MORC1: variants seen among roughly 807,000 people sequenced by gnomAD.
MORC1 encodes the protein MORC family CW-type zinc finger 1, also known as MORC family CW-type zinc finger protein 1.
In MORC1, 59 loss-of-function variants were observed where a neutral mutation model predicts 134.9. That is an observed-to-expected ratio of 0.44 (90% CI 0.35 to 0.54). The LOEUF (loss-of-function observed/expected upper bound fraction) is 0.54. Ranked by LOEUF, MORC1 falls within the 20% of genes least tolerant of loss-of-function variation. The pLI is 0.00. For synonymous variants in MORC1, 395 were observed against 391.7 expected, an observed-to-expected ratio of 1.01 and a Z score of -0.10; for missense variants, 947 against 1,134.5, an observed-to-expected ratio of 0.83 and a Z score of 2.37.
chr3:109,011,920 T>C (rs1559891909), intron 17 of MORC1, among the ~76,000 whole-genome samples: 1 of 152,236 alleles, frequency 6.6e-6, no homozygotes, highest in Admixed American at 6.5e-5. Flanking sequence ...TTTCAATTTC[T>C]TAACAATGTC....
At chr3:109,040,829 C>CAAAAAAAAAAAAAAAAAAA (rs59122147) in intron 14 of MORC1, among the ~76,000 whole-genome samples, 1 of 108,632 alleles carries the variant, frequency 9.2e-6, no homozygotes, top group African/African-American at 4.4e-5. Flanking sequence ...AACTCTGTGT[C>CAAAAAAAAAAAAAAAAAAA]AAAAAAAAAA....
At position 108,986,859 on chromosome 3, in the gene MORC1, CAT is replaced by C. The variant is rs1161015743; in HGVS notation, c.2257+19_2257+20del. The C allele has an allele frequency of 7.1e-6, 10 of 1,406,570 alleles. No individual in the cohort carries two copies. The highest frequency in any genetic ancestry group is 8.7e-6 in the Non-Finnish European group (9 of 1,040,168). The allele number at this position is 1,406,570 out of a possible 1,614,324, so 87.1% of individuals were successfully genotyped here. ...ACATTATAGCTAATATATATATATACATGAGCTGATTTTTTTTTACCTTGGTT... is the reference window on the plus strand; with the variant it reads ...ACATTATAGCTAATATATATATATACGAGCTGATTTTTTTTTACCTTGGTT... On this transcript the variant is annotated intron_variant, in intron 22 of 27. Coordinates refer to ENST00000232603, the MANE Select transcript of MORC1 (RefSeq NM_014429.4).
chr3:109,028,826 G>A (rs145620732), intron 16 of MORC1, among the ~76,000 whole-genome samples: 11 of 152,252 alleles, frequency 7.2e-5, no homozygotes, highest in African/African-American at 2.6e-4. Context: ...AGGGCATGGA[G>A]GGGAAGGAAC....
chr3:109,060,262 G>GAA lies in MORC1; in HGVS notation c.967-394_967-393dup, dbSNP rs35431327. On this transcript the variant is annotated intron_variant, in intron 11 of 27. Transcript: ENST00000232603. ...ATGTGACCACGAAGTGTTTTTGCAG[G>GAA]AAAAAAAAAAAAGATAATTGAGAAA... Among the ~76,000 whole-genome samples, 46 of 145,090 alleles carry GAA rather than the reference G, an allele frequency of 3.2e-4. No homozygotes were observed. The South Asian group carries it at 6.1e-3, about 19-fold the overall frequency.
rs1052870499 is a variant in MORC1 at position 109,004,967 on chromosome 3, T to C, written c.2014-79A>G. On this transcript the variant is annotated intron_variant, in intron 19 of 27. Coordinates refer to ENST00000232603, the MANE Select transcript of MORC1 (RefSeq NM_014429.4). ...GAAACACAGATTGCAATGTATATTT[T>C]ATAATTAAAGTGTCTTAAAATGTGA... 4.4e-6 allele frequency: 7 copies of C among 1,576,608 alleles called. No homozygotes were observed. In the African/African-American group the frequency reaches 9.6e-5, roughly 22 times the overall value.
intron 26 of MORC1, among the ~76,000 whole-genome samples, chr3:108,964,685 G>A (rs529945560): frequency 6.6e-6 from 1 of 152,228 alleles, no homozygotes; most frequent in South Asian, 2.1e-4. Context: ...TATAGATGAC[G>A]TGGAGATATA....
At chr3:109,009,994 C>A (rs905032802) in intron 17 of MORC1, among the ~76,000 whole-genome samples, 1 of 152,078 alleles carries the variant, frequency 6.6e-6, no homozygotes, top group Non-Finnish European at 1.5e-5. Context: ...GTAAGCAATT[C>A]TTTCCTAATT....
At chr3:109,116,287 C>T (rs1157474699) in intron 1 of MORC1, among the ~76,000 whole-genome samples, 3 of 152,070 alleles carry the variant, frequency 2.0e-5, no homozygotes, top group African/African-American at 7.2e-5. Context: ...GCAAAGAACC[C>T]AGTTAAGAGG....
intron 14 of MORC1, among the ~76,000 whole-genome samples, chr3:109,046,930 T>G (rs148075555): frequency 6.6e-6 from 1 of 152,336 alleles, no homozygotes; most frequent in Admixed American, 6.5e-5. Flanking sequence ...AGCTGCTTTA[T>G]TATAGTGAAA....
At chr3:108,971,463 T>C in intron 24 of MORC1, 61 bp from the exon 25 acceptor site, 2 of 1,425,192 alleles carry the variant, frequency 1.4e-6, no homozygotes, top group South Asian at 2.4e-5. Flanking sequence ...AGCACTCAAC[T>C]GTCAGAACTG....
In MORC1 at chr3:109,054,709, A is replaced by G. The variant is rs1436344455; in HGVS notation, c.1330+19T>C. The G allele has an allele frequency of 1.3e-6, 2 of 1,502,590 alleles. No individual in the cohort carries two copies. Among genetic ancestry groups the G allele is most frequent in the Middle Eastern group, 1.8e-4 (1 of 5,700 alleles). The allele number at this position is 1,502,590 out of a possible 1,614,324, so 93.1% of individuals were successfully genotyped here. On this transcript the variant is annotated intron_variant, in intron 14 of 27. Transcript: ENST00000232603. ...AATCCCTCTGTAAGTATCTCCTACT[A>G]TGACTATTGAATACTCACTGATGCC...
intron 16 of MORC1, among the ~76,000 whole-genome samples, chr3:109,029,474 T>C (rs999671169): frequency 3.9e-5 from 6 of 152,240 alleles, no homozygotes; most frequent in African/African-American, 1.4e-4. Flanking sequence ...TAATATGCAA[T>C]ACAATCCATA....
intron 14 of MORC1, among the ~76,000 whole-genome samples, chr3:109,048,919 T>C (rs73204312): frequency 0.2 from 30,959 of 152,044 alleles, 3,509 homozygotes; most frequent in Middle Eastern, 0.33. Context: ...ACTTATGAAT[T>C]TGAAAGGAAT....
intron 15 of MORC1, among the ~76,000 whole-genome samples, chr3:109,035,040 T>A (rs975597719): frequency 6.6e-6 from 1 of 152,148 alleles, no homozygotes; most frequent in Non-Finnish European, 1.5e-5. Flanking sequence ...TGAGCCACCA[T>A]GCCTGGCCTG....
chr3:109,095,318 A>T (rs979669314), intron 6 of MORC1, among the ~76,000 whole-genome samples: 15 of 152,236 alleles, frequency 9.9e-5, no homozygotes, highest in African/African-American at 3.6e-4. Context: ...CTTGAAGGGT[A>T]GAATGGCAGA....
intron 20 of MORC1, among the ~76,000 whole-genome samples, chr3:109,002,454 C>G (rs746567131): frequency 5.9e-5 from 9 of 152,190 alleles, no homozygotes; most frequent in Non-Finnish European, 1.2e-4. Flanking sequence ...CCAAGGAAGA[C>G]AGATATAGCA....
chr3:109,059,941 T>C, intron 11 of MORC1, 71 bp from the exon 12 acceptor site: 2 of 1,308,336 alleles, frequency 1.5e-6, no homozygotes, highest in Non-Finnish European at 1.1e-6. Flanking sequence ...GATATTATCC[T>C]ATTATCCAAA....
At chr3:108,971,827 A>AAGGG (rs1024408047) in intron 24 of MORC1, among the ~76,000 whole-genome samples, 22 of 145,130 alleles carry the variant, frequency 1.5e-4, no homozygotes, top group South Asian at 2.4e-4. Flanking sequence ...GGAAGGAAGG[A>AAGGG]AGGGAGGGAG....
At chr3:109,028,234 T>C (rs1023458582) in intron 16 of MORC1, among the ~76,000 whole-genome samples, 1 of 150,374 alleles carries the variant, frequency 6.7e-6, no homozygotes, top group Non-Finnish European at 1.5e-5. Flanking sequence ...CACTGCCATT[T>C]CCCCCCCCAA....
Sources: allele counts gnomAD v4.1 joint callset (sites outside exome capture counted in the v4.1 genomes callset), GRCh38; gene constraint gnomAD v4.1.1; transcripts MANE v1.5; gene names NCBI Gene and HGNC (gene_info 2026-07-23, HGNC 2026-07-21).